Variants in TIMM29 observed in about 807,000 individuals in gnomAD.
The protein encoded by TIMM29 is translocase of inner mitochondrial membrane 29, also known as mitochondrial import inner membrane translocase subunit Tim29.
A neutral mutation model predicts 19.5 loss-of-function variants in TIMM29; 23 were observed. That is an observed-to-expected ratio of 1.18 (90% CI 0.85 to 1.67). The LOEUF (loss-of-function observed/expected upper bound fraction) is 1.67, where lower values mean the gene tolerates loss of function less well. TIMM29 is among the 40% of genes most tolerant of loss of function. TIMM29 has a pLI of 0.00. For missense variants in TIMM29, 404 were observed against 384.7 expected, an observed-to-expected ratio of 1.05 and a Z score of -0.42; for synonymous variants, 209 against 185.0, an observed-to-expected ratio of 1.13 and a Z score of -1.05.
rs2083483013 is a variant in TIMM29, at chr19:10,930,092, GTGATGTCTGTAATC to G, written c.*391_*404del. Reference sequence around the variant, plus strand: ...CAAGTTTGGGTTGTGGCCTGGCATGGTGATGTCTGTAATCCCAGCAGTTTGCAAACTGAGGCAAG... The same window carrying G: ...CAAGTTTGGGTTGTGGCCTGGCATGGCCAGCAGTTTGCAAACTGAGGCAAG... On this transcript the variant is annotated 3_prime_UTR_variant, in exon 2 of 2. Coordinates refer to ENST00000270502, the MANE Select transcript of TIMM29 (RefSeq NM_138358.4). The G allele has an allele frequency of 1.7e-5, 3 of 175,562 alleles. No homozygotes were observed. The highest frequency in any genetic ancestry group is 4.8e-5 in the African/African-American group (2 of 42,094). The allele number at this position is 175,562 out of a possible 1,614,324, so 10.9% of individuals were successfully genotyped here.
chr19:10,929,003 T>A lies in TIMM29; in HGVS notation c.95-11T>A, dbSNP rs1230972129. On this transcript the variant is annotated splice_polypyrimidine_tract_variant and intron_variant, in intron 1 of 1. Coordinates refer to ENST00000270502, the MANE Select transcript of TIMM29 (RefSeq NM_138358.4). ...GGCCGGATCACTCTTACCGCGCTCC[T>A]CTCCCCTCAGGGTCCTGGGCCCGCG... is the stretch of plus-strand genomic sequence containing the variant. 2 of 1,459,324 alleles carry A rather than the reference T, an allele frequency of 1.4e-6. No individual in the cohort carries two copies. The highest frequency in any genetic ancestry group is 3.0e-5 in the African/African-American group (2 of 66,540). The allele number at this position is 1,459,324 out of a possible 1,614,324, so 90.4% of individuals were successfully genotyped here.
Position 10,929,704 on chromosome 19 carries a change from A to G in TIMM29, c.*2A>G. The G allele has an allele frequency of 6.3e-6, 10 of 1,588,704 alleles. No homozygotes were observed. Among genetic ancestry groups the G allele is most frequent in the Non-Finnish European group, 8.6e-6 (10 of 1,166,522 alleles). On this transcript the variant is annotated 3_prime_UTR_variant, in exon 2 of 2. Transcript: ENST00000270502. ...GTGCAGGCGGAGGCCCCGAGATGAA[A>G]CCCTGAGGCCCCCGAGTCCTGGCAA... is the stretch of plus-strand genomic sequence containing the variant.
At position 10,929,647 on chromosome 19, in the gene TIMM29, A is replaced by G. The variant is rs759396827; in HGVS notation, c.728A>G (p.Asp243Gly). The G allele has an allele frequency of 9.9e-6, 16 of 1,612,762 alleles. No individual in the cohort carries two copies. Among genetic ancestry groups the G allele is most frequent in the African/African-American group, 1.3e-5 (1 of 74,902 alleles). Residue 243 changes from aspartate (D) to glycine (G), a missense_variant, in exon 2 of 2, where the codon GAC becomes GGC. Asp to Gly is a moderately conservative substitution (Grantham distance 94). Coordinates refer to ENST00000270502, the MANE Select transcript of TIMM29 (RefSeq NM_138358.4). ...CAGGTCTTGCAGAAGGAGAAGAAGG[A>G]CAGGCTCGCCCTGAGCCAGGCCCAC... ...EEQVLQKEKK[D>G]RLALSQAHSL... is the part of the protein sequence containing the mutation.
In TIMM29 at chr19:10,929,399, C is replaced by T. The variant is rs2083475307; in HGVS notation, c.480C>T (p.Pro160=). The change falls in exon 2 of 2, where the codon CCC becomes CCT. Residue 160 remains proline, a synonymous_variant. Transcript: ENST00000270502. ...TGCAGCCCCGCTGGACCGACTTCCC[C>T]GGCCGGGTCCTGGACGTGGGCTTCG... ...RYLQPRWTDF[P]GRVLDVGFVG... is the part of the protein sequence containing the mutation. The T allele has an allele frequency of 6.2e-7, 1 of 1,608,568 alleles. No individual in the cohort carries two copies. Among genetic ancestry groups the T allele is most frequent in the South Asian group, 1.1e-5 (1 of 90,874 alleles).
At position 10,929,898 on chromosome 19, in the gene TIMM29, G is replaced by A. The variant is rs2083481492; in HGVS notation, c.*196G>A. On this transcript the variant is annotated 3_prime_UTR_variant, in exon 2 of 2. Coordinates refer to ENST00000270502, the MANE Select transcript of TIMM29 (RefSeq NM_138358.4). The stretch of plus-strand genomic sequence containing the variant: ...AGCTAATTCAGAGCCACCTGGGTCC[G>A]GGAGTTGGGGACAGCAGAACGACTT... The A allele has an allele frequency of 3.2e-6, 2 of 616,614 alleles. No homozygotes were observed. The highest frequency in any genetic ancestry group is 5.6e-6 in the Non-Finnish European group (2 of 358,408). The allele number at this position is 616,614 out of a possible 1,614,324, so 38.2% of individuals were successfully genotyped here.
intron 1 of TIMM29, 23 bp downstream of exon 1, chr19:10,928,939 AG>A: frequency 6.7e-7 from 1 of 1,494,236 alleles, no homozygotes; most frequent in South Asian, 1.3e-5. Flanking sequence ...GGAAGGCGGC[AG>A]GGTGGGTGGC....
In TIMM29 at chr19:10,929,486, C is replaced by G; in HGVS notation, c.567C>G (p.Phe189Leu). 1 of 1,613,082 alleles carries G rather than the reference C, an allele frequency of 6.2e-7. No individual in the cohort carries two copies. The highest frequency in any genetic ancestry group is 8.5e-7 in the Non-Finnish European group (1 of 1,180,020). ...ACTGCGACATCAACGACGACGAATT[C>G]CTGCACCTGCCGGCGCATTTGCGGG... Reference protein sequence around the residue: ...MRDCDINDDEFLHLPAHLRVV... With the variant: ...MRDCDINDDELLHLPAHLRVV... The change falls in exon 2 of 2, where the codon TTC (phenylalanine) becomes TTG (leucine). Residue 189 changes from phenylalanine to leucine, a missense_variant. Coordinates refer to ENST00000270502, the MANE Select transcript of TIMM29 (RefSeq NM_138358.4).
chr19:10,929,311 C>T lies in TIMM29; in HGVS notation c.392C>T (p.Ser131Leu), dbSNP rs752026693. 8 of 1,550,338 alleles carry T rather than the reference C, an allele frequency of 5.2e-6. No individual in the cohort carries two copies. Among genetic ancestry groups the T allele is most frequent in the African/African-American group, 1.4e-5 (1 of 73,498 alleles). The change falls in exon 2 of 2, where the codon TCG becomes TTG. Residue 131 changes from serine to leucine, a missense_variant. Transcript: ENST00000270502. ...RLRYVNLGLC[S>L]LVYEAPFDAQ... ...CGCTACGTCAACCTGGGGCTCTGCT[C>T]GCTGGTGTACGAGGCGCCCTTCGAC...
chr19:10,929,095 G>T lies in TIMM29; in HGVS notation c.176G>T (p.Arg59Leu). The change falls in exon 2 of 2, where the codon CGC becomes CTC. Residue 59 changes from arginine (R) to leucine (L), a missense_variant. Physicochemically the swap from Arg to Leu is moderately radical, Grantham distance 102. Transcript: ENST00000270502. ...ASAEARARPG[R>L]AAVYVGLLGG... ...GCGGAGGCTAGGGCCCGGCCGGGGC[G>T]CGCCGCTGTGTATGTGGGTCTGCTG... 3 of 1,456,120 alleles carry T rather than the reference G, an allele frequency of 2.1e-6. No individual in the cohort carries two copies. The highest frequency in any genetic ancestry group is 1.8e-6 in the Non-Finnish European group (2 of 1,117,402). 90.2% of individuals were successfully genotyped at this position (1,456,120 alleles called of 1,614,324 possible).
intron 1 of TIMM29, 36 bp downstream of exon 1, chr19:10,928,952 G>A: frequency 6.7e-7 from 1 of 1,482,956 alleles, no homozygotes. Context: ...GTGGGTGGCC[G>A]CCGCGACAGG....
chr19:10,929,042 C>A lies in TIMM29; in HGVS notation c.123C>A (p.Asp41Glu). Residue 41 changes from aspartate (D) to glutamate (E), a missense_variant, in exon 2 of 2, where the codon GAC becomes GAA. Transcript: ENST00000270502. The part of the protein sequence containing the change: ...LGSWARALLR[D>E]YAEACRDASA... ...CCTGGGCCCGCGCGCTGCTCCGGGA[C>A]TACGCCGAGGCCTGCAGGGACGCTT... is the stretch of plus-strand genomic sequence containing the variant. 6.8e-7 allele frequency: 1 copy of A among 1,468,818 alleles called. No homozygotes were observed. 91.0% of individuals were successfully genotyped at this position (1,468,818 alleles called of 1,614,324 possible). A position where few individuals can be genotyped will look rare whatever the true frequency, so the allele number is the denominator to read the frequency against.
chr19:10,929,665 AG>A lies in TIMM29; in HGVS notation c.748del (p.Ala250ProfsTer39). 2 of 1,611,718 alleles carry A rather than the reference AG, an allele frequency of 1.2e-6. No individual in the cohort carries two copies. Among genetic ancestry groups the A allele is most frequent in the South Asian group, 2.2e-5 (2 of 91,036 alleles). On this transcript the variant is annotated frameshift_variant, in exon 2 of 2. Transcript: ENST00000270502. LOFTEE classifies it high-confidence loss of function. ...KEKKDRLALS[Q>X]AHSLVQAEAP... ...AAGAAGGACAGGCTCGCCCTGAGCC[AG>A]GCCCACTCGCTGGTGCAGGCGGAGG...
Position 10,929,615 on chromosome 19 carries a change from G to A in TIMM29, c.696G>A (p.Trp232Ter). 6.2e-7 allele frequency: 1 copy of A among 1,613,056 alleles called. No homozygotes were observed. Among genetic ancestry groups the A allele is most frequent in the South Asian group, 1.1e-5 (1 of 91,088 alleles). ...ACGATCAGGTGGACCAGGCGCTGTGGGAGGAGCAGGTCTTGCAGAAGGAGA... is the reference window on the plus strand; with the variant it reads ...ACGATCAGGTGGACCAGGCGCTGTGAGAGGAGCAGGTCTTGCAGAAGGAGA... ...LTDDQVDQAL[W>*]EEQVLQKEKK... The change falls in exon 2 of 2, where the codon TGG becomes TGA. Residue 232 changes from tryptophan to a stop codon, truncating the protein, a stop_gained. Transcript: ENST00000270502. LOFTEE classifies it low-confidence loss of function (END_TRUNC).
Position 10,929,561 on chromosome 19 carries a change from T to TGAGAAGTAC in TIMM29, c.643_651dup (p.Glu215_Tyr217dup). ...CCGAGACCAACGAGCGGCTCTTCGA[T>TGAGAAGTAC]GAGAAGTACAAGCCTGTCGTGCTCA... On this transcript the variant is annotated inframe_insertion, in exon 2 of 2. Coordinates refer to ENST00000270502, the MANE Select transcript of TIMM29 (RefSeq NM_138358.4). 6.2e-7 allele frequency: 1 copy of TGAGAAGTAC among 1,612,848 alleles called. No homozygotes were observed. Among genetic ancestry groups the TGAGAAGTAC allele is most frequent in the Non-Finnish European group, 8.5e-7 (1 of 1,179,974 alleles).
At position 10,929,018 on chromosome 19, in the gene TIMM29, C is replaced by A; in HGVS notation, c.99C>A (p.Ser33=). ...ACCGCGCTCCTCTCCCCTCAGGGTC[C>A]TGGGCCCGCGCGCTGCTCCGGGACT... is the stretch of plus-strand genomic sequence containing the variant. ...AKPGVWARLG[S]WARALLRDYA... Residue 33 remains serine, a synonymous_variant, in exon 2 of 2, where the codon TCC becomes TCA. Transcript: ENST00000270502. 1 of 1,464,404 alleles carries A rather than the reference C, an allele frequency of 6.8e-7. No homozygotes were observed. The highest frequency in any genetic ancestry group is 1.4e-5 in the South Asian group (1 of 71,918). The allele number at this position is 1,464,404 out of a possible 1,614,324, so 90.7% of individuals were successfully genotyped here.
rs1481645310 is a variant in TIMM29, at chr19:10,929,569, A to T, written c.650A>T (p.Tyr217Phe). 1.2e-6 allele frequency: 2 copies of T among 1,613,050 alleles called. No individual in the cohort carries two copies. The highest frequency in any genetic ancestry group is 8.5e-7 in the Non-Finnish European group (1 of 1,180,032). The change falls in exon 2 of 2, where the codon TAC becomes TTC. Residue 217 changes from tyrosine to phenylalanine, a missense_variant. By Grantham distance (22) the Tyr-to-Phe change is conservative. Transcript: ENST00000270502. ...ETNERLFDEK[Y>F]KPVVLTDDQV... is the part of the protein sequence containing the mutation. ...AACGAGCGGCTCTTCGATGAGAAGT[A>T]CAAGCCTGTCGTGCTCACCGACGAT...
chr19:10,928,834 G>A lies in TIMM29; in HGVS notation c.12G>A (p.Ala4=). 3 of 1,527,026 alleles carry A rather than the reference G, an allele frequency of 2.0e-6. No homozygotes were observed. The highest frequency in any genetic ancestry group is 2.4e-5 in the South Asian group (2 of 82,642). 94.6% of individuals were successfully genotyped at this position (1,527,026 alleles called of 1,614,324 possible). The change falls in exon 1 of 2, where the codon GCG becomes GCA. Residue 4 remains alanine (A), a synonymous_variant. Coordinates refer to ENST00000270502, the MANE Select transcript of TIMM29 (RefSeq NM_138358.4). The part of the protein sequence containing the change: MAA[A]ALRRFWSRRR... ...CAAGACGGAAGAGGATGGCCGCGGCGGCTCTGAGGAGATTTTGGTCCCGGC... is the reference window on the plus strand; with the variant it reads ...CAAGACGGAAGAGGATGGCCGCGGCAGCTCTGAGGAGATTTTGGTCCCGGC...
In TIMM29 at chr19:10,929,291, C is replaced by T. The variant is rs1212642783; in HGVS notation, c.372C>T (p.Tyr124=). 2.1e-5 allele frequency: 32 copies of T among 1,543,088 alleles called. No homozygotes were observed. Among genetic ancestry groups the T allele is most frequent in the Non-Finnish European group, 2.5e-5 (29 of 1,148,562 alleles). ...TGCGGGGCCGTGGCCGCCTGCGCTACGTCAACCTGGGGCTCTGCTCGCTGG... is the reference window on the plus strand; with the variant it reads ...TGCGGGGCCGTGGCCGCCTGCGCTATGTCAACCTGGGGCTCTGCTCGCTGG... ...LWLRGRGRLR[Y]VNLGLCSLVY... is the part of the protein sequence containing the mutation. The change falls in exon 2 of 2, where the codon TAC becomes TAT. Residue 124 remains tyrosine, a synonymous_variant. Transcript: ENST00000270502.
Position 10,929,142 on chromosome 19 carries a change from A to C in TIMM29, c.223A>C (p.Thr75Pro), listed in dbSNP as rs2083471719. 1 of 1,454,254 alleles carries C rather than the reference A, an allele frequency of 6.9e-7. No individual in the cohort carries two copies. Among genetic ancestry groups the C allele is most frequent in the African/African-American group, 1.5e-5 (1 of 67,708 alleles). 90.1% of individuals were successfully genotyped at this position (1,454,254 alleles called of 1,614,324 possible). ...GLLGGAAACF[T>P]LAPSEGAFEE... ...GCTGGGCGGCGCGGCGGCCTGCTTC[A>C]CGCTGGCGCCCAGCGAGGGTGCCTT... is the stretch of plus-strand genomic sequence containing the variant. The change falls in exon 2 of 2, where the codon ACG becomes CCG. Residue 75 changes from threonine (T) to proline (P), a missense_variant. Physicochemically the swap from Thr to Pro is conservative, Grantham distance 38 (BLOSUM62 -1). Transcript: ENST00000270502.
Sources: gnomAD v4.1 joint callset for allele counts on GRCh38, gnomAD v4.1.1 for gene constraint, MANE v1.5 for transcripts, NCBI Gene and HGNC (gene_info 2026-07-23, HGNC 2026-07-21) for gene names.